SWT1: variants seen among roughly 807,000 people sequenced by gnomAD.
The protein encoded by SWT1 is transcriptional protein SWT1.
Under a neutral mutation model 107.3 loss-of-function variants are expected in SWT1, and 33 were observed. The ratio of observed to expected loss-of-function variants is 0.31; its 90% confidence interval spans 0.23 to 0.41. SWT1 has a LOEUF of 0.41. Among genes scored for constraint, SWT1 ranks in the 10% least tolerant of loss-of-function variants. The pLI is 1.00. For synonymous variants in SWT1, 345 were observed against 348.3 expected (o/e 0.99, Z 0.11); for missense variants, 898 against 1,028.9 (o/e 0.87, Z 1.74).
chr1:185,169,538 G>A (rs1654870963), intron 4 of SWT1, among the ~76,000 whole-genome samples: 2 of 152,114 alleles, frequency 1.3e-5, no homozygotes, highest in Admixed American at 1.3e-4. Flanking sequence ...CGGTTACAGT[G>A]CACCATTACT....
At chr1:185,217,502 C>T (rs1659312006) in intron 14 of SWT1, among the ~76,000 whole-genome samples, 1 of 152,260 alleles carries the variant, frequency 6.6e-6, no homozygotes, top group South Asian at 2.1e-4. Context: ...GTCACTGTCT[C>T]CCATCATCCC....
intron 10 of SWT1, among the ~76,000 whole-genome samples, chr1:185,201,343 G>A (rs1657862856): frequency 6.6e-6 from 1 of 152,134 alleles, no homozygotes; most frequent in Admixed American, 6.5e-5. Context: ...CTAAATGGCC[G>A]CCCAGTTTTG....
At position 185,197,768 on chromosome 1, in the gene SWT1, T is replaced by C. The variant is rs907767530; in HGVS notation, c.1524-4886T>C. On this transcript the variant is annotated intron_variant, in intron 10 of 18. Transcript: ENST00000367500. The stretch of plus-strand genomic sequence containing the variant: ...TAAAGGTGTTTATAGTATTCTCTGA[T>C]GGTAGTTTGTATTTCTGTGGGATGG... Among the ~76,000 whole-genome samples the C allele has an allele frequency of 2.0e-5, 3 of 152,222 alleles. No individual in the cohort carries two copies. In the South Asian group the frequency reaches 6.2e-4, roughly 31 times the overall value.
chr1:185,277,316 T>C (rs1014715458), intron 18 of SWT1, among the ~76,000 whole-genome samples: 2 of 152,272 alleles, frequency 1.3e-5, no homozygotes, highest in African/African-American at 4.8e-5. Flanking sequence ...AGAGTTTTGC[T>C]CTTGTCGCAA....
intron 1 of SWT1, among the ~76,000 whole-genome samples, chr1:185,159,790 A>G (rs1016706531): frequency 3.3e-5 from 5 of 152,082 alleles, no homozygotes; most frequent in Admixed American, 6.6e-5. Flanking sequence ...CAGTGGCACA[A>G]TCTTACTCAC....
At chr1:185,226,214 G>C (rs996037906) in intron 15 of SWT1, among the ~76,000 whole-genome samples, 1 of 152,082 alleles carries the variant, frequency 6.6e-6, no homozygotes, top group Non-Finnish European at 1.5e-5. Flanking sequence ...GGAGTTTTGC[G>C]TAGTTTCTGG....
chr1:185,176,492 A>G (rs2102354547), intron 5 of SWT1: 1 of 872,912 alleles, frequency 1.1e-6, no homozygotes, highest in South Asian at 5.3e-5. Flanking sequence ...CTTTAAAATT[A>G]TGTAATGTAA....
intron 10 of SWT1, among the ~76,000 whole-genome samples, chr1:185,201,859 A>G (rs755118376): frequency 2.0e-5 from 3 of 152,068 alleles, no homozygotes; most frequent in East Asian, 1.9e-4. Context: ...AGTTCTCGCT[A>G]TGCATTTTCT....
rs534544601 is a variant in SWT1 at position 185,174,257 on chromosome 1, T to G, written c.225-115T>G. On this transcript the variant is annotated intron_variant, in intron 4 of 18. Coordinates refer to ENST00000367500, the MANE Select transcript of SWT1 (RefSeq NM_017673.7). Reference sequence around the variant, plus strand: ...TTCCACTTCATTCTTAATGTAGCTATTTCTACTTTTTATGAAGCTTAATGT... The same window carrying G: ...TTCCACTTCATTCTTAATGTAGCTAGTTCTACTTTTTATGAAGCTTAATGT... 32 of 752,404 alleles carry G rather than the reference T, an allele frequency of 4.3e-5. No individual in the cohort carries two copies. The African/African-American group carries it at 4.8e-4, about 11-fold the overall frequency. The allele number at this position is 752,404 out of a possible 1,614,324, so 46.6% of individuals were successfully genotyped here. A position where few individuals can be genotyped will look rare whatever the true frequency, so the allele number is the denominator to read the frequency against.
intron 2 of SWT1, among the ~76,000 whole-genome samples, chr1:185,162,825 G>T (rs960968987): frequency 6.6e-6 from 1 of 151,784 alleles, no homozygotes. Context: ...CTAAAAAAAT[G>T]TGCATATGTT....
intron 9 of SWT1, among the ~76,000 whole-genome samples, chr1:185,189,554 T>C (rs1161660063): frequency 1.3e-5 from 2 of 152,178 alleles, no homozygotes; most frequent in South Asian, 2.1e-4. Context: ...AAGTTACTTA[T>C]AATCTGTAAG....
rs145061188 is a variant in SWT1, at chr1:185,174,837, G to A, written c.690G>A (p.Gln230=). ...IIKEPLGSRR[Q]KISFKIPIKS... is the part of the protein sequence containing the mutation. ...AGGAACCCTTGGGATCTAGAAGACA[G>A]AAGATCAGTTTCAAAATCCCTATAA... The change falls in exon 5 of 19, where the codon CAG becomes CAA. Residue 230 remains glutamine, a synonymous_variant. Transcript: ENST00000367500. The A allele has an allele frequency of 7.4e-6, 12 of 1,614,082 alleles. No homozygotes were observed. The highest frequency in any genetic ancestry group is 1.0e-5 in the Non-Finnish European group (12 of 1,180,008).
rs1656881008 is a variant in SWT1 at position 185,190,752 on chromosome 1, A to G, written c.1523+110A>G. The G allele has an allele frequency of 1.3e-5, 8 of 631,216 alleles. No individual in the cohort carries two copies. The South Asian group carries it at 2.0e-4, about 15-fold the overall frequency. 39.1% of individuals were successfully genotyped at this position (631,216 alleles called of 1,614,324 possible). A position where few individuals can be genotyped will look rare whatever the true frequency, so the allele number is the denominator to read the frequency against. Reference sequence around the variant, plus strand: ...GGATCAAAAACATACATAATTTTCCAAATCTGCCAGTAAGCATACCCACTT... The same window carrying G: ...GGATCAAAAACATACATAATTTTCCGAATCTGCCAGTAAGCATACCCACTT... On this transcript the variant is annotated intron_variant, in intron 10 of 18. Coordinates refer to ENST00000367500, the MANE Select transcript of SWT1 (RefSeq NM_017673.7).
chr1:185,219,087 AT>A (rs1406545098), intron 14 of SWT1, among the ~76,000 whole-genome samples: 1 of 152,238 alleles, frequency 6.6e-6, no homozygotes, highest in East Asian at 1.9e-4. Context: ...CTTTTCATTT[AT>A]GTCTATTCAT....
intron 8 of SWT1, 27 bp downstream of exon 8, chr1:185,184,371 C>T (rs768405624): frequency 1.5e-6 from 2 of 1,310,114 alleles, no homozygotes; most frequent in Non-Finnish European, 2.2e-6. Context: ...TTTAAAGATT[C>T]TGATTTTCTT....
chr1:185,248,633 ATCTG>A (rs1661777846), intron 16 of SWT1, among the ~76,000 whole-genome samples: 1 of 152,082 alleles, frequency 6.6e-6, no homozygotes, highest in South Asian at 2.1e-4. Context: ...TCACTGTCAT[ATCTG>A]TCTACCATCA....
chr1:185,195,390 G>A (rs1008364610), intron 10 of SWT1, among the ~76,000 whole-genome samples: 1 of 152,148 alleles, frequency 6.6e-6, no homozygotes, highest in African/African-American at 2.4e-5. Context: ...TCTTAATCCA[G>A]TCTATCACTG....
intron 16 of SWT1, among the ~76,000 whole-genome samples, chr1:185,255,979 A>T (rs1240776437): frequency 6.6e-6 from 1 of 151,798 alleles, no homozygotes; most frequent in Non-Finnish European, 1.5e-5. Flanking sequence ...AGGCCTGGTG[A>T]TGACAAAATC....
At chr1:185,273,197 G>A (rs1188007496) in intron 17 of SWT1, among the ~76,000 whole-genome samples, 2 of 152,170 alleles carry the variant, frequency 1.3e-5, no homozygotes, top group African/African-American at 2.4e-5. Context: ...TTGAGGTCAG[G>A]AGTTTGAGAA....
Sources: gnomAD v4.1 joint callset for allele counts (sites outside exome capture counted in the v4.1 genomes callset) on GRCh38, gnomAD v4.1.1 for gene constraint, MANE v1.5 for transcripts, NCBI Gene and HGNC (gene_info 2026-07-23, HGNC 2026-07-21) for gene names.